Variants in SPRED2 observed in about 807,000 individuals in gnomAD.
The protein encoded by SPRED2 is sprouty-related, EVH1 domain-containing protein 2.
A neutral mutation model predicts 43.0 loss-of-function variants in SPRED2; 47 were observed. The observed-to-expected ratio is 1.09, with a 90% confidence interval of 0.87 to 1.40. SPRED2 has a LOEUF of 1.40. Among genes scored for constraint, SPRED2 ranks in the 40% most tolerant of loss-of-function variants. SPRED2 has a pLI of 0.00. For synonymous variants in SPRED2, 225 were observed against 225.7 expected (o/e 1.00, Z 0.03); for missense variants, 561 against 586.4 (o/e 0.96, Z 0.45).
chr2:65,348,286 C>T (rs1674409666), intron 1 of SPRED2, among the ~76,000 whole-genome samples: 1 of 152,210 alleles, frequency 6.6e-6, no homozygotes, highest in African/African-American at 2.4e-5. Context: ...CCCTCCACCC[C>T]TCTTAAATCT....
intron 3 of SPRED2, 68 bp from the exon 4 acceptor site, chr2:65,332,119 A>C (rs1038710983): frequency 9.6e-7 from 1 of 1,039,142 alleles, no homozygotes; most frequent in Admixed American, 2.4e-5. Context: ...CGTTTAAAAA[A>C]GTATATTTTA....
chr2:65,380,507 C>T (rs1363425090), intron 1 of SPRED2: 1 of 152,182 alleles, frequency 6.6e-6, no homozygotes, highest in East Asian at 1.9e-4. Flanking sequence ...AAATTCCATC[C>T]TTACTGTTAG....
rs776512353 is a variant in SPRED2, at chr2:65,401,937, G to GCGCGCACGCACACA, written c.26+30024_26+30025insTGTGTGCGTGCGCG. Among the ~76,000 whole-genome samples the GCGCGCACGCACACA allele has an allele frequency of 1.8e-3, 212 of 114,758 alleles. 2 individuals carry two copies. Among genetic ancestry groups the GCGCGCACGCACACA allele is most frequent in the African/African-American group, 6.9e-3 (205 of 29,630 alleles). The allele number at this position is 114,758 out of a possible 152,430, so 75.3% of individuals were successfully genotyped here. A position where few individuals can be genotyped will look rare whatever the true frequency, so the allele number is the denominator to read the frequency against. On this transcript the variant is annotated intron_variant, in intron 1 of 5. Coordinates refer to ENST00000356388, the MANE Select transcript of SPRED2 (RefSeq NM_181784.3). ...ACGATCAGAATATTAGCGCGCGCGCGCACACACACACACACACACACACAC... is the reference window on the plus strand; with the variant it reads ...ACGATCAGAATATTAGCGCGCGCGCGCGCGCACGCACACACACACACACACACACACACACACAC...
chr2:65,343,564 C>T (rs1211830623), intron 2 of SPRED2, among the ~76,000 whole-genome samples: 1 of 152,138 alleles, frequency 6.6e-6, no homozygotes, highest in Non-Finnish European at 1.5e-5. Flanking sequence ...TTTGCATTTT[C>T]TCTGTGGGAT....
chr2:65,378,939 A>G (rs1053230628), intron 1 of SPRED2, among the ~76,000 whole-genome samples: 1 of 152,204 alleles, frequency 6.6e-6, no homozygotes, highest in Non-Finnish European at 1.5e-5. Flanking sequence ...ATCAAGGGTA[A>G]GCGAATGAGA....
At chr2:65,341,461 A>G (rs1674182620) in intron 2 of SPRED2, among the ~76,000 whole-genome samples, 1 of 152,194 alleles carries the variant, frequency 6.6e-6, no homozygotes, top group Non-Finnish European at 1.5e-5. Flanking sequence ...GGGGGCGGAC[A>G]GAGGACTGGA....
At chr2:65,360,990 A>C (rs1197389262) in intron 1 of SPRED2, among the ~76,000 whole-genome samples, 1 of 152,262 alleles carries the variant, frequency 6.6e-6, no homozygotes, top group Non-Finnish European at 1.5e-5. Context: ...GGATTGCTTA[A>C]GCCCAGGAGT....
intron 2 of SPRED2, among the ~76,000 whole-genome samples, chr2:65,343,431 A>C (rs1453416627): frequency 6.6e-6 from 1 of 152,166 alleles, no homozygotes. Flanking sequence ...TATTTTCTAA[A>C]TTTTTTTAAA....
intron 4 of SPRED2, among the ~76,000 whole-genome samples, chr2:65,325,358 A>G (rs1334407641): frequency 1.3e-5 from 2 of 152,242 alleles, no homozygotes; most frequent in African/African-American, 4.8e-5. Flanking sequence ...GAAACTGCTT[A>G]AGGAGCTAGA....
At chr2:65,355,381 C>T (rs1414536070) in intron 1 of SPRED2, among the ~76,000 whole-genome samples, 2 of 151,992 alleles carry the variant, frequency 1.3e-5, no homozygotes, top group South Asian at 2.1e-4. Context: ...TCAAAAACCA[C>T]GAAAACACGA....
At chr2:65,374,982 T>C (rs1267844696) in intron 1 of SPRED2, among the ~76,000 whole-genome samples, 1 of 152,154 alleles carries the variant, frequency 6.6e-6, no homozygotes, top group Non-Finnish European at 1.5e-5. Context: ...AAAAGAAGCT[T>C]GCTGTGTGTG....
chr2:65,416,210 G>C (rs1676268922), intron 1 of SPRED2, among the ~76,000 whole-genome samples: 1 of 152,230 alleles, frequency 6.6e-6, no homozygotes, highest in African/African-American at 2.4e-5. Flanking sequence ...GATGAGAAAG[G>C]TTAAGATGGG....
At chr2:65,367,762 G>A (rs1202153840) in intron 1 of SPRED2, among the ~76,000 whole-genome samples, 1 of 152,178 alleles carries the variant, frequency 6.6e-6, no homozygotes, top group African/African-American at 2.4e-5. Context: ...TTAACGTTAT[G>A]AAGGAGAGGT....
intron 4 of SPRED2, among the ~76,000 whole-genome samples, chr2:65,318,213 C>T (rs1271768015): frequency 6.6e-6 from 1 of 152,200 alleles, no homozygotes; most frequent in Non-Finnish European, 1.5e-5. Flanking sequence ...TTCTTGCCTT[C>T]CGCCATGATT....
chr2:65,341,871 C>T (rs567969208), intron 2 of SPRED2, among the ~76,000 whole-genome samples: 3 of 151,812 alleles, frequency 2.0e-5, no homozygotes, highest in South Asian at 4.2e-4. Context: ...CACAGAATAA[C>T]CCTAAAAACA....
At chr2:65,341,056 G>C (rs866407317) in intron 2 of SPRED2, among the ~76,000 whole-genome samples, 2 of 147,328 alleles carry the variant, frequency 1.4e-5, no homozygotes, top group Non-Finnish European at 3.0e-5. Flanking sequence ...GCGGGGTGGT[G>C]GGGGGGAGGG....
At chr2:65,377,178 TATAC>T (rs1675260429) in intron 1 of SPRED2, among the ~76,000 whole-genome samples, 1 of 152,232 alleles carries the variant, frequency 6.6e-6, no homozygotes, top group African/African-American at 2.4e-5. Flanking sequence ...TAAATAACCT[TATAC>T]ATTAGAGTTG....
chr2:65,333,307 T>C (rs529959756), intron 3 of SPRED2, among the ~76,000 whole-genome samples: 3 of 149,946 alleles, frequency 2.0e-5, no homozygotes, highest in African/African-American at 4.9e-5. Context: ...TTACATGAAA[T>C]TGAAATGAAA....
chr2:65,421,119 G>A (rs1387826951), intron 1 of SPRED2, among the ~76,000 whole-genome samples: 1 of 151,798 alleles, frequency 6.6e-6, no homozygotes, highest in Non-Finnish European at 1.5e-5. Context: ...GATCTCATGG[G>A]CCTCCTAGCA....
Sources: gnomAD v4.1 joint callset for allele counts (sites outside exome capture counted in the v4.1 genomes callset) on GRCh38, gnomAD v4.1.1 for gene constraint, MANE v1.5 for transcripts, NCBI Gene and HGNC (gene_info 2026-07-23, HGNC 2026-07-21) for gene names.